The following SLC25A33 variants were observed in gnomAD, a reference collection of about 807,000 sequenced individuals.
SLC25A33 encodes the protein solute carrier family 25 member 33.
Under a neutral mutation model 35.5 loss-of-function variants are expected in SLC25A33, and 15 were observed. The observed-to-expected ratio is 0.42, with a 90% CI of 0.28 to 0.65. The LOEUF is 0.65. Ranked by LOEUF, SLC25A33 falls within the 30% of genes least tolerant of loss-of-function variation. The pLI, the probability that SLC25A33 is intolerant of heterozygous loss-of-function variation, is 0.20. For missense variants in SLC25A33, 257 were observed against 398.5 expected (o/e 0.64, Z 3.02); for synonymous variants, 136 against 148.7 (o/e 0.91, Z 0.62).
chr1:9,549,245 G>C lies in SLC25A33; in HGVS notation c.57-4381G>C, dbSNP rs149378039. On this transcript the variant is annotated intron_variant, in intron 1 of 6. Coordinates refer to ENST00000302692, the MANE Select transcript of SLC25A33 (RefSeq NM_032315.3). ...CAAGGAGCATGGGGACCAGAGGAAG[G>C]AAAGGCACCTAGTTCTGCCTGCAAG... Among the ~76,000 whole-genome samples, 787 of 152,128 alleles carry C rather than the reference G, an allele frequency of 5.2e-3. 21 individuals carry two copies. Among genetic ancestry groups the C allele is most frequent in the Admixed American group, 0.033 (509 of 15,260 alleles).
At chr1:9,572,183 A>G (rs1305101393) in intron 4 of SLC25A33, among the ~76,000 whole-genome samples, 5 of 152,260 alleles carry the variant, frequency 3.3e-5, no homozygotes, top group African/African-American at 9.6e-5. Context: ...GCAGAGTTCC[A>G]AAACAGGTAG....
rs770971759 is a variant in SLC25A33 at position 9,553,642 on chromosome 1, G to A, written c.73G>A (p.Gly25Ser). Residue 25 changes from glycine to serine, a missense_variant, in exon 2 of 7, where the codon GGT becomes AGT. Physicochemically the swap from Gly to Ser is moderately conservative, Grantham distance 56. Transcript: ENST00000302692. ...LFAGGCGGTV[G>S]AIFTCPLEVI... Reference sequence around the variant, plus strand: ...CCCTTACAGGTGTGGAGGCACAGTTGGTGCTATTTTCACTTGTCCACTAGA... The same window carrying A: ...CCCTTACAGGTGTGGAGGCACAGTTAGTGCTATTTTCACTTGTCCACTAGA... The A allele has an allele frequency of 9.9e-6, 16 of 1,613,232 alleles. No individual in the cohort carries two copies. The highest frequency in any genetic ancestry group is 1.3e-5 in the African/African-American group (1 of 74,904).
intron 1 of SLC25A33, among the ~76,000 whole-genome samples, chr1:9,550,809 C>T (rs916410113): frequency 1.3e-5 from 2 of 151,794 alleles, no homozygotes; most frequent in Non-Finnish European, 2.9e-5. Flanking sequence ...AGTATCGGGA[C>T]TACAGGCGCA....
rs902495206 is a variant in SLC25A33 at position 9,582,542 on chromosome 1, A to G, written c.*41A>G. On this transcript the variant is annotated 3_prime_UTR_variant, in exon 7 of 7. Coordinates refer to ENST00000302692, the MANE Select transcript of SLC25A33 (RefSeq NM_032315.3). This position sits in a 1 kb window ranked among gnomAD's most constrained non-coding sequence, Gnocchi z 4.0. ...TGCTCTAGAAGAATAAAACTGAAAA[A>G]CTCTAGAGAATTTTTTTTCCCCATT... 1.3e-6 allele frequency: 2 copies of G among 1,542,124 alleles called. No individual in the cohort carries two copies. Among genetic ancestry groups the G allele is most frequent in the African/African-American group, 2.8e-5 (2 of 72,202 alleles).
chr1:9,576,714 C>T (rs1643666079), intron 5 of SLC25A33: 5 of 742,268 alleles, frequency 6.7e-6, no homozygotes, highest in African/African-American at 3.7e-5. Flanking sequence ...ACTTCCCCAC[C>T]GACATTGTTA....
At chr1:9,563,835 T>C (rs1643460444) in intron 2 of SLC25A33, among the ~76,000 whole-genome samples, 1 of 152,104 alleles carries the variant, frequency 6.6e-6, no homozygotes, top group South Asian at 2.1e-4. Context: ...AGTTTTTGTA[T>C]TTTTAGTAGA....
chr1:9,551,498 G>A (rs1643266667), intron 1 of SLC25A33, among the ~76,000 whole-genome samples: 1 of 152,212 alleles, frequency 6.6e-6, no homozygotes, highest in Non-Finnish European at 1.5e-5. Context: ...TGCCTCTAGT[G>A]GAGTAGGGAA....
At chr1:9,567,506 T>A (rs1569865648) in intron 3 of SLC25A33, 145 bp downstream of exon 3, 5 of 650,664 alleles carry the variant, frequency 7.7e-6, no homozygotes, top group Non-Finnish European at 1.3e-5. Context: ...AAATAGTCAT[T>A]GAGAATGCTA....
rs139066342 is a variant in SLC25A33, at chr1:9,551,341, C to T, written c.57-2285C>T. Among the ~76,000 whole-genome samples the T allele has an allele frequency of 5.2e-3, 791 of 152,170 alleles. 21 individuals are homozygous for T. Among genetic ancestry groups the T allele is most frequent in the Admixed American group, 0.034 (512 of 15,264 alleles). On this transcript the variant is annotated intron_variant, in intron 1 of 6. Transcript: ENST00000302692. ...TGAACTGAAATCGCACCACTGCACT[C>T]CCAGCCTGGGTGACAGAGTGAAACT...
At position 9,567,275 on chromosome 1, in the gene SLC25A33, A is replaced by G; in HGVS notation, c.237-9A>G. 6.2e-7 allele frequency: 1 copy of G among 1,613,116 alleles called. No homozygotes were observed. Among genetic ancestry groups the G allele is most frequent in the Non-Finnish European group, 8.5e-7 (1 of 1,179,588 alleles). ...GGGTTTTAAAGGTTTGTCTTTTCTT[A>G]TTATTCAGGTCGATCTTGGAGAAAG... is the stretch of plus-strand genomic sequence containing the variant. On this transcript the variant is annotated splice_polypyrimidine_tract_variant and intron_variant, in intron 2 of 6. Coordinates refer to ENST00000302692, the MANE Select transcript of SLC25A33 (RefSeq NM_032315.3).
intron 1 of SLC25A33, among the ~76,000 whole-genome samples, chr1:9,549,621 CTTT>C (rs869101305): frequency 7.4e-5 from 10 of 135,150 alleles, no homozygotes; most frequent in Non-Finnish European, 8.0e-5. Context: ...CATCACAAAC[CTTT>C]TTTTTTTTTT....
In SLC25A33 at chr1:9,539,648, G is replaced by C; in HGVS notation, c.-44G>C. On this transcript the variant is annotated 5_prime_UTR_variant, in exon 1 of 7. Coordinates refer to ENST00000302692, the MANE Select transcript of SLC25A33 (RefSeq NM_032315.3). ...TCGCGCATCCCTCGAGCCGCCACGCGCTCTCGCCACCGGGCGGCGACGGGC... is the reference window on the plus strand; with the variant it reads ...TCGCGCATCCCTCGAGCCGCCACGCCCTCTCGCCACCGGGCGGCGACGGGC... 1 of 1,320,906 alleles carries C rather than the reference G, an allele frequency of 7.6e-7. No homozygotes were observed. Among genetic ancestry groups the C allele is most frequent in the South Asian group, 1.8e-5 (1 of 55,760 alleles). The allele number at this position is 1,320,906 out of a possible 1,614,324, so 81.8% of individuals were successfully genotyped here.
At chr1:9,539,888 G>A in intron 1 of SLC25A33, 141 bp downstream of exon 1, 3 of 758,164 alleles carry the variant, frequency 4.0e-6, no homozygotes, top group East Asian at 4.0e-5. Context: ...GGAAGTCCCG[G>A]CGTCGGGGAC....
At position 9,585,140 on chromosome 1, in the gene SLC25A33, T is replaced by C. The variant is rs985076762; in HGVS notation, c.*2639T>C. ...AGGTGTAAAATTGCTTTGTTTTCAC[T>C]CCTTCTTGAATGAATAAATTTGATA... On this transcript the variant is annotated 3_prime_UTR_variant, in exon 7 of 7. Coordinates refer to ENST00000302692, the MANE Select transcript of SLC25A33 (RefSeq NM_032315.3). 6.6e-6 allele frequency: 1 copy of C among 152,052 alleles called. No homozygotes were observed. Among genetic ancestry groups the C allele is most frequent in the African/African-American group, 2.4e-5 (1 of 41,258 alleles). The allele number at this position is 152,052 out of a possible 1,614,324, so 9.4% of individuals were successfully genotyped here. A position where few individuals can be genotyped will look rare whatever the true frequency, so the allele number is the denominator to read the frequency against.
intron 1 of SLC25A33, among the ~76,000 whole-genome samples, chr1:9,550,011 ATTTTTTTTT>A (rs70979761): frequency 4.1e-5 from 2 of 48,866 alleles, no homozygotes; most frequent in Non-Finnish European, 3.8e-5. Context: ...ATATATATAT[ATTTTTTTTT>A]TTTTTTTTTT....
intron 1 of SLC25A33, among the ~76,000 whole-genome samples, chr1:9,546,072 G>T (rs981446179): frequency 1.3e-5 from 2 of 151,586 alleles, no homozygotes; most frequent in Non-Finnish European, 2.9e-5. Flanking sequence ...AATATCCCTC[G>T]TGACTGCTTT....
At chr1:9,577,082 G>A in intron 5 of SLC25A33, 1 of 570,430 alleles carries the variant, frequency 1.8e-6, no homozygotes, top group South Asian at 1.9e-5. Context: ...ATTGATTTGG[G>A]AAGAAAAGAA....
At chr1:9,563,044 G>A (rs976558962) in intron 2 of SLC25A33, among the ~76,000 whole-genome samples, 2 of 149,552 alleles carry the variant, frequency 1.3e-5, no homozygotes, top group Non-Finnish European at 1.5e-5. Context: ...TCAGCCTCCC[G>A]AGTAGCTGGG....
intron 2 of SLC25A33, among the ~76,000 whole-genome samples, chr1:9,563,058 A>G (rs1398006220): frequency 6.6e-6 from 1 of 151,296 alleles, no homozygotes; most frequent in South Asian, 2.1e-4. Flanking sequence ...AGCTGGGACT[A>G]CAGGCGCCCA....
Sources: gnomAD v4.1 joint callset for allele counts (sites outside exome capture counted in the v4.1 genomes callset) on GRCh38, gnomAD v4.1.1 for gene constraint, Gnocchi (gnomAD v3.1) non-coding constraint, MANE v1.5 for transcripts, NCBI Gene and HGNC (gene_info 2026-07-23, HGNC 2026-07-21) for gene names.